The following CDKAL1 variants were observed in gnomAD, a reference collection of about 807,000 sequenced individuals.
The protein encoded by CDKAL1 is CDKAL1 threonylcarbamoyladenosine tRNA methylthiotransferase.
Under a neutral mutation model 68.2 loss-of-function variants are expected in CDKAL1, and 32 were observed. That is an observed-to-expected ratio of 0.47 (90% CI 0.35 to 0.63). The LOEUF (loss-of-function observed/expected upper bound fraction) is 0.63, where lower values mean the gene tolerates loss of function less well. Ranked by LOEUF, CDKAL1 falls within the 30% of genes least tolerant of loss-of-function variation. The pLI, the probability that CDKAL1 is intolerant of heterozygous loss-of-function variation, is 0.00. For missense variants in CDKAL1, 606 were observed against 696.7 expected (o/e 0.87, Z 1.47); for synonymous variants, 234 against 244.3 (o/e 0.96, Z 0.39).
chr6:20,706,536 C>G (rs962808137), intron 5 of CDKAL1, among the ~76,000 whole-genome samples: 1 of 152,156 alleles, frequency 6.6e-6, no homozygotes, highest in Non-Finnish European at 1.5e-5. Flanking sequence ...TAACATTTTA[C>G]TTTTATTTAC....
rs569669668 is a variant in CDKAL1, at chr6:20,658,785, A to G, written c.371+9408A>G. On this transcript the variant is annotated intron_variant, in intron 5 of 15. Coordinates refer to ENST00000274695, the MANE Select transcript of CDKAL1 (RefSeq NM_017774.3). ...CTCTTGTTAACCACATTCACTAGTA[A>G]TTTTCTTTTTTAACTAAACTTCTAA... Among the ~76,000 whole-genome samples the G allele has an allele frequency of 1.4e-4, 21 of 152,174 alleles. No homozygotes were observed. In the South Asian group the frequency reaches 4.2e-3, roughly 30 times the overall value.
chr6:21,175,893 G>A (rs12526391), intron 13 of CDKAL1, among the ~76,000 whole-genome samples: 21,098 of 152,238 alleles, frequency 0.14, 1,752 homozygotes, highest in Non-Finnish European at 0.19. Flanking sequence ...CTTTATAACT[G>A]TCACTTGTCT....
chr6:20,610,729 A>G lies in CDKAL1; in HGVS notation c.287-38564A>G, dbSNP rs892486049. Among the ~76,000 whole-genome samples the G allele has an allele frequency of 3.3e-5, 5 of 151,718 alleles. No homozygotes were observed. In the East Asian group the frequency reaches 7.7e-4, roughly 23 times the overall value. ...ATAAAATATAAAAGGCAGGGAGACAATGGCAACAAAATTCTACTTTAGGCT... is the reference window on the plus strand; with the variant it reads ...ATAAAATATAAAAGGCAGGGAGACAGTGGCAACAAAATTCTACTTTAGGCT... On this transcript the variant is annotated intron_variant, in intron 4 of 15. Coordinates refer to ENST00000274695, the MANE Select transcript of CDKAL1 (RefSeq NM_017774.3).
intron 10 of CDKAL1, among the ~76,000 whole-genome samples, chr6:20,978,815 T>G (rs1201047881): frequency 6.6e-6 from 1 of 152,190 alleles, no homozygotes; most frequent in Non-Finnish European, 1.5e-5. Context: ...AAATGGCTAG[T>G]GAATGTGGGA....
rs553986464 is a variant in CDKAL1 at position 20,815,098 on chromosome 6, C to T, written c.639-30977C>T. 3.3e-5 allele frequency among the ~76,000 whole-genome samples: 5 copies of T among 152,250 alleles called. No homozygotes were observed. The South Asian group carries it at 1.0e-3, about 32-fold the overall frequency. On this transcript the variant is annotated intron_variant, in intron 8 of 15. Coordinates refer to ENST00000274695, the MANE Select transcript of CDKAL1 (RefSeq NM_017774.3). The stretch of plus-strand genomic sequence containing the variant: ...TATGTTTTGTCACATTTTAAAATTC[C>T]TTAATGTAGGAGGGTAAATCCAGTC...
chr6:20,806,537 GAGAA>G (rs1776580667), intron 8 of CDKAL1, among the ~76,000 whole-genome samples: 1 of 152,078 alleles, frequency 6.6e-6, no homozygotes, highest in Non-Finnish European at 1.5e-5. Flanking sequence ...TAAGTTCTTT[GAGAA>G]ATCGCCAAAC....
intron 8 of CDKAL1, among the ~76,000 whole-genome samples, chr6:20,790,515 T>C (rs1047385387): frequency 1.6e-4 from 24 of 152,100 alleles, no homozygotes; most frequent in African/African-American, 5.8e-4. Context: ...TGACGCTGGA[T>C]TTTTCGTGGC....
At chr6:20,545,378 A>G (rs1216368540) in intron 2 of CDKAL1, among the ~76,000 whole-genome samples, 2 of 152,156 alleles carry the variant, frequency 1.3e-5, no homozygotes, top group East Asian at 1.9e-4. Flanking sequence ...GATAATGAAC[A>G]TGAACCTATC....
chr6:20,996,857 A>G (rs749374172), intron 10 of CDKAL1, among the ~76,000 whole-genome samples: 26 of 152,240 alleles, frequency 1.7e-4, no homozygotes, highest in Non-Finnish European at 3.5e-4. Context: ...GTACTTATGT[A>G]TATACCTATA....
intron 10 of CDKAL1, among the ~76,000 whole-genome samples, chr6:20,962,192 C>T (rs1765092000): frequency 6.6e-6 from 1 of 152,178 alleles, no homozygotes; most frequent in Non-Finnish European, 1.5e-5. Context: ...CACTAACATT[C>T]ACATTGATAT....
intron 4 of CDKAL1, among the ~76,000 whole-genome samples, chr6:20,628,520 T>C (rs1241421427): frequency 6.6e-6 from 1 of 152,178 alleles, no homozygotes; most frequent in Non-Finnish European, 1.5e-5. Context: ...CATAATTACA[T>C]GTGACTATTC....
chr6:20,574,060 TTGTTTATATTATATGA>T (rs1389129836), intron 4 of CDKAL1, among the ~76,000 whole-genome samples: 1 of 152,176 alleles, frequency 6.6e-6, no homozygotes, highest in African/African-American at 2.4e-5. Context: ...TGTGGCTAAA[TTGTTTATATTATATGA>T]ACATATTCGT....
At chr6:20,902,872 A>C (rs1210605393) in intron 9 of CDKAL1, among the ~76,000 whole-genome samples, 1 of 152,174 alleles carries the variant, frequency 6.6e-6, no homozygotes, top group Non-Finnish European at 1.5e-5. Context: ...ATTGGGACAG[A>C]ACCCATCCAG....
At chr6:21,069,405 A>G (rs995450951) in intron 12 of CDKAL1, among the ~76,000 whole-genome samples, 15 of 152,280 alleles carry the variant, frequency 9.9e-5, no homozygotes, top group African/African-American at 3.6e-4. Flanking sequence ...TTGAAATAAT[A>G]TGATTTGTTT....
intron 12 of CDKAL1, among the ~76,000 whole-genome samples, chr6:21,098,631 CATGG>C (rs1380379131): frequency 1.4e-5 from 2 of 140,196 alleles, no homozygotes; most frequent in Non-Finnish European, 3.0e-5. Context: ...ATGACCAAGA[CATGG>C]TTTCTTTCTT....
intron 11 of CDKAL1, among the ~76,000 whole-genome samples, chr6:21,031,253 C>T (rs1769271516): frequency 6.6e-6 from 1 of 151,746 alleles, no homozygotes; most frequent in Non-Finnish European, 1.5e-5. Context: ...CCCATGTGAC[C>T]CCCACAGATC....
chr6:20,633,269 G>A (rs990782996), intron 4 of CDKAL1, among the ~76,000 whole-genome samples: 3 of 152,172 alleles, frequency 2.0e-5, no homozygotes, highest in South Asian at 2.1e-4. Context: ...CTGGACATGC[G>A]TTTGAGGTAG....
chr6:21,038,604 G>A (rs201312), intron 11 of CDKAL1, among the ~76,000 whole-genome samples: 121,847 of 152,194 alleles, frequency 0.8, 48,929 homozygotes, highest in Middle Eastern at 0.93. Context: ...AGCTTGTCCA[G>A]CCCACAGCCC....
At chr6:20,877,529 AC>A (rs1760583175) in intron 9 of CDKAL1, among the ~76,000 whole-genome samples, 1 of 152,120 alleles carries the variant, frequency 6.6e-6, no homozygotes, top group Non-Finnish European at 1.5e-5. Context: ...TGGGGCTGAG[AC>A]CTGTGTCACT....
Sources: gnomAD v4.1 joint callset for allele counts (sites outside exome capture counted in the v4.1 genomes callset) on GRCh38, gnomAD v4.1.1 for gene constraint, MANE v1.5 for transcripts, NCBI Gene and HGNC (gene_info 2026-07-23, HGNC 2026-07-21) for gene names.